Variants in LAMA2 observed in about 807,000 individuals in gnomAD.
LAMA2 encodes laminin subunit alpha 2, also known as laminin subunit alpha-2.
In LAMA2, 269 loss-of-function variants were observed where a neutral mutation model predicts 364.8. The observed-to-expected ratio is 0.74, with a 90% CI of 0.67 to 0.82. LAMA2 has a LOEUF of 0.82. Among genes scored for constraint, LAMA2 ranks in the 40% least tolerant of loss-of-function variants. The pLI is 0.00. For missense variants in LAMA2, 3,807 were observed against 3,873.2 expected (o/e 0.98, Z 0.45); for synonymous variants, 1,379 against 1,370.6 (o/e 1.01, Z -0.14).
chr6:129,174,714 A>G (rs991309920), intron 9 of LAMA2, among the ~76,000 whole-genome samples: 1 of 152,180 alleles, frequency 6.6e-6, no homozygotes, highest in Admixed American at 6.5e-5. Flanking sequence ...ATTGTTTTAA[A>G]GAATGACGTA....
intron 6 of LAMA2, 40 bp downstream of exon 6, chr6:129,147,088 T>C: frequency 7.9e-7 from 1 of 1,272,906 alleles, no homozygotes. Flanking sequence ...AATGAAGCCC[T>C]GAGCTGTAAA....
chr6:129,169,252 G>A (rs1006974032), intron 9 of LAMA2, among the ~76,000 whole-genome samples: 1 of 147,388 alleles, frequency 6.8e-6, no homozygotes, highest in African/African-American at 2.7e-5. Context: ...TTTTCAAAGG[G>A]AATGCTTCCA....
chr6:129,249,773 C>T (rs1157127049), intron 12 of LAMA2, among the ~76,000 whole-genome samples: 1 of 152,120 alleles, frequency 6.6e-6, no homozygotes, highest in East Asian at 1.9e-4. Flanking sequence ...AAAGATCGTT[C>T]TCTGTTTGGG....
intron 63 of LAMA2, 86 bp downstream of exon 63, chr6:129,512,579 T>G: frequency 1.4e-6 from 2 of 1,431,770 alleles, no homozygotes; most frequent in East Asian, 2.3e-5. Context: ...AACTCGAATA[T>G]TTTGAAGCCC....
At chr6:129,486,340 T>G in intron 55 of LAMA2, 134 bp from the exon 56 acceptor site, 1 of 853,078 alleles carries the variant, frequency 1.2e-6, no homozygotes, top group Non-Finnish European at 1.9e-6. Context: ...TTCAAAACCG[T>G]TTGAGAAAAT....
chr6:129,475,179 G>A (rs938362588), intron 52 of LAMA2, among the ~76,000 whole-genome samples: 6 of 151,782 alleles, frequency 4.0e-5, no homozygotes, highest in East Asian at 3.9e-4. Context: ...TGTGAGCTAC[G>A]GTCATATTTT....
chr6:129,431,192 A>C (rs1016983555), intron 41 of LAMA2, among the ~76,000 whole-genome samples: 1 of 152,244 alleles, frequency 6.6e-6, no homozygotes, highest in Admixed American at 6.5e-5. Context: ...TGAGGTAAGG[A>C]GTTTGAGACC....
At chr6:129,200,544 GTA>G (rs746498883) in intron 12 of LAMA2, among the ~76,000 whole-genome samples, 1 of 150,224 alleles carries the variant, frequency 6.7e-6, no homozygotes, top group East Asian at 2.0e-4. Context: ...GTGAGTGTGT[GTA>G]TATATATATA....
chr6:129,174,793 G>A (rs9492258), intron 9 of LAMA2, among the ~76,000 whole-genome samples: 2,962 of 152,118 alleles, frequency 0.019, 112 homozygotes, highest in African/African-American at 0.066. Flanking sequence ...CCAGCGCAAC[G>A]ATTCTGTTAT....
At chr6:129,129,662 C>T (rs538379165) in intron 4 of LAMA2, among the ~76,000 whole-genome samples, 11 of 152,202 alleles carry the variant, frequency 7.2e-5, no homozygotes, top group Middle Eastern at 3.4e-3. Context: ...CGGTGGCTCA[C>T]GCCTGTAATC....
intron 20 of LAMA2, among the ~76,000 whole-genome samples, chr6:129,297,081 A>C (rs995336999): frequency 6.6e-6 from 1 of 152,212 alleles, no homozygotes; most frequent in Non-Finnish European, 1.5e-5. Flanking sequence ...TGTTAGAATG[A>C]AACCTAAGAA....
At chr6:129,417,785 G>C (rs1201615514) in intron 40 of LAMA2, among the ~76,000 whole-genome samples, 1 of 152,278 alleles carries the variant, frequency 6.6e-6, no homozygotes, top group East Asian at 1.9e-4. Flanking sequence ...ATAGTAGGGG[G>C]CTAGAGTGTC....
intron 17 of LAMA2, among the ~76,000 whole-genome samples, chr6:129,272,572 C>T (rs1788014907): frequency 6.6e-6 from 1 of 152,118 alleles, no homozygotes; most frequent in African/African-American, 2.4e-5. Flanking sequence ...AAAAAAAATA[C>T]ACACTGCATT....
intron 12 of LAMA2, among the ~76,000 whole-genome samples, chr6:129,205,225 T>TA (rs11387698): frequency 0.4 from 59,292 of 149,894 alleles, 14,871 homozygotes; most frequent in African/African-American, 0.73. Context: ...CCGTCTCTAC[T>TA]AAAAAAAATA....
chr6:129,135,431 A>G (rs1170462120), intron 4 of LAMA2, among the ~76,000 whole-genome samples: 1 of 152,202 alleles, frequency 6.6e-6, no homozygotes, highest in African/African-American at 2.4e-5. Context: ...ACTGGAATCG[A>G]ACACATTGTA....
chr6:129,329,359 C>T (rs1051924408), intron 29 of LAMA2, among the ~76,000 whole-genome samples: 3 of 151,952 alleles, frequency 2.0e-5, no homozygotes, highest in Non-Finnish European at 2.9e-5. Context: ...GTAGCCATCA[C>T]CTTTTTGTTT....
chr6:129,133,668 T>C (rs925255665), intron 4 of LAMA2, among the ~76,000 whole-genome samples: 1 of 152,208 alleles, frequency 6.6e-6, no homozygotes, highest in African/African-American at 2.4e-5. Context: ...TAAACTCCTG[T>C]ATGCATTAGT....
chr6:129,151,224 A>G (rs1164183503), intron 7 of LAMA2, among the ~76,000 whole-genome samples: 3 of 152,152 alleles, frequency 2.0e-5, no homozygotes, highest in South Asian at 2.1e-4. Context: ...TGGACCGTTT[A>G]TTTGGCATCA....
intron 3 of LAMA2, among the ~76,000 whole-genome samples, chr6:129,079,553 G>GTTT (rs111592167): frequency 7.1e-6 from 1 of 139,896 alleles, no homozygotes. Flanking sequence ...TTCTTTTTCT[G>GTTT]TTTTTTTTTT....
Sources: allele counts gnomAD v4.1 joint callset (sites outside exome capture counted in the v4.1 genomes callset), GRCh38; gene constraint gnomAD v4.1.1; transcripts MANE v1.5; gene names NCBI Gene and HGNC (gene_info 2026-07-23, HGNC 2026-07-21).